The following ANKRD54 variants were observed in gnomAD, a reference collection of about 807,000 sequenced individuals.
ANKRD54 encodes the protein ankyrin repeat domain-containing protein 54.
Under a neutral mutation model 36.2 loss-of-function variants are expected in ANKRD54, and 26 were observed. That is an observed-to-expected ratio of 0.72 (90% CI 0.53 to 1.00). ANKRD54 has a LOEUF of 1.00. ANKRD54 is among the 50% of genes least tolerant of loss of function. The pLI is 0.00. For synonymous variants in ANKRD54, 209 were observed against 188.4 expected, an observed-to-expected ratio of 1.11 and a Z score of -0.89; for missense variants, 384 against 424.3, an observed-to-expected ratio of 0.91 and a Z score of 0.83.
At chr22:37,833,805 C>T (rs368646208) in intron 3 of ANKRD54, 50 bp from the exon 4 acceptor site, 909 of 1,568,286 alleles carry the variant, frequency 5.8e-4, no homozygotes, top group Non-Finnish European at 6.9e-4. Context: ...CCATTGCCTG[C>T]ACCCTGAACC....
intron 1 of ANKRD54, among the ~76,000 whole-genome samples, chr22:37,842,675 C>A (rs1473348924): frequency 6.6e-6 from 1 of 152,220 alleles, no homozygotes; most frequent in African/African-American, 2.4e-5. Context: ...AATTCAGATA[C>A]ATGACAATTC....
At chr22:37,837,442 A>G (rs560741574) in intron 3 of ANKRD54, among the ~76,000 whole-genome samples, 18 of 152,342 alleles carry the variant, frequency 1.2e-4, no homozygotes, top group African/African-American at 4.3e-4. Flanking sequence ...GGGGTATATC[A>G]CAATGAAATA....
Position 37,831,840 on chromosome 22 carries a change from AGACAAGTGCAG to A in ANKRD54, c.*92_*102del. On this transcript the variant is annotated 3_prime_UTR_variant, in exon 8 of 8. Transcript: ENST00000215941. ...TGCGGGTGAGGGCAAGGTCCTCACC[AGACAAGTGCAG>A]CTCCAAGTCCCAGATGTTGGGCTTT... is the stretch of plus-strand genomic sequence containing the variant. The A allele has an allele frequency of 7.9e-7, 1 of 1,261,982 alleles. No individual in the cohort carries two copies. The highest frequency in any genetic ancestry group is 1.1e-6 in the Non-Finnish European group (1 of 899,450). 78.2% of individuals were successfully genotyped at this position (1,261,982 alleles called of 1,614,324 possible). A position where few individuals can be genotyped will look rare whatever the true frequency, so the allele number is the denominator to read the frequency against.
At chr22:37,835,840 G>T (rs530858090) in intron 3 of ANKRD54, among the ~76,000 whole-genome samples, 64 of 149,160 alleles carry the variant, frequency 4.3e-4, no homozygotes, top group East Asian at 1.9e-3. Flanking sequence ...AGTTTTTTTT[G>T]TTTGTTTGTT....
intron 1 of ANKRD54, chr22:37,843,502 C>T (rs1569103453): frequency 6.4e-6 from 1 of 155,674 alleles, no homozygotes; most frequent in Non-Finnish European, 1.4e-5. Context: ...TATCATTTGC[C>T]CTAAGGTCTA....
In ANKRD54 at chr22:37,832,679, A is replaced by G; in HGVS notation, c.786T>C (p.Asp262=). 6.2e-7 allele frequency: 1 copy of G among 1,614,096 alleles called. No individual in the cohort carries two copies. ...LGQHEQRERL[D]DLCTRLQMTS... ...TCATCTGCAGGCGGGTGCAGAGGTC[A>G]TCCAGGCGTTCTCGCTGCTCATGTT... is the stretch of plus-strand genomic sequence containing the variant. The change falls in exon 7 of 8, where the codon GAT becomes GAC. Residue 262 remains aspartate, a synonymous_variant. Coordinates refer to ENST00000215941, the MANE Select transcript of ANKRD54 (RefSeq NM_138797.4).
chr22:37,844,256 G>GGCCTGGCCGCCTGA lies in ANKRD54; in HGVS notation c.-32_-19dup. On this transcript the variant is annotated 5_prime_UTR_variant, in exon 1 of 8. Coordinates refer to ENST00000215941, the MANE Select transcript of ANKRD54 (RefSeq NM_138797.4). Reference sequence around the variant, plus strand: ...GCTGCCATGGCAACGGCTCCGCGCGGGCCTGGCCGCCTGAGCCTCGTTCCC... The same window carrying GGCCTGGCCGCCTGA: ...GCTGCCATGGCAACGGCTCCGCGCGGGCCTGGCCGCCTGAGCCTGGCCGCCTGAGCCTCGTTCCC... 1 of 1,545,376 alleles carries GGCCTGGCCGCCTGA rather than the reference G, an allele frequency of 6.5e-7. No homozygotes were observed. The highest frequency in any genetic ancestry group is 8.7e-7 in the Non-Finnish European group (1 of 1,154,886).
At chr22:37,832,265 T>C (rs895799990) in intron 7 of ANKRD54, among the ~76,000 whole-genome samples, 1 of 151,884 alleles carries the variant, frequency 6.6e-6, no homozygotes, top group African/African-American at 2.4e-5. Flanking sequence ...AACGGAGGCT[T>C]TGAAGCCTGC....
chr22:37,841,848 A>AAAAT (rs56891536), intron 1 of ANKRD54, among the ~76,000 whole-genome samples: 12,599 of 137,496 alleles, frequency 0.092, 783 homozygotes, highest in Middle Eastern at 0.14. Flanking sequence ...ACTCTGTCTC[A>AAAAT]AAATAAATAA....
Position 37,843,991 on chromosome 22 carries a change from C to G in ANKRD54, c.248G>C (p.Arg83Pro). The G allele has an allele frequency of 7.0e-7, 1 of 1,423,366 alleles. No homozygotes were observed. Among genetic ancestry groups the G allele is most frequent in the Non-Finnish European group, 9.1e-7 (1 of 1,093,098 alleles). 88.2% of individuals were successfully genotyped at this position (1,423,366 alleles called of 1,614,324 possible). A position where few individuals can be genotyped will look rare whatever the true frequency, so the allele number is the denominator to read the frequency against. ...CAGCCGGCCAGCGGGTATCTTGCAG[C>G]GCAGCTCGTCGCGCGGCTCCGCATC... Reference protein sequence around the residue: ...QQDAEPRDELRCKIPAGRLRR... With the variant: ...QQDAEPRDELPCKIPAGRLRR... The change falls in exon 1 of 8, where the codon CGC (arginine) becomes CCC (proline). Residue 83 changes from arginine to proline, a missense_variant. Physicochemically the swap from Arg to Pro is moderately radical, Grantham distance 103. Coordinates refer to ENST00000215941, the MANE Select transcript of ANKRD54 (RefSeq NM_138797.4).
chr22:37,845,633 G>A (rs1443398458), upstream of ANKRD54, among the ~76,000 whole-genome samples: 2 of 152,118 alleles, frequency 1.3e-5, no homozygotes, highest in African/African-American at 2.4e-5. Flanking sequence ...CACTTTGGGA[G>A]GCCAAAATGG....
chr22:37,832,107 G>GGC (rs1601715346), intron 7 of ANKRD54, 90 bp from the exon 8 acceptor site: 1 of 1,266,934 alleles, frequency 7.9e-7, no homozygotes, highest in East Asian at 2.5e-5. Context: ...ACAGAACACA[G>GGC]GCACGGTCTC....
Position 37,831,753 on chromosome 22 carries a change from G to A in ANKRD54, c.*190C>T. 3.4e-6 allele frequency: 2 copies of A among 592,956 alleles called. No individual in the cohort carries two copies. Among genetic ancestry groups the A allele is most frequent in the African/African-American group, 1.9e-5 (1 of 53,914 alleles). 36.7% of individuals were successfully genotyped at this position (592,956 alleles called of 1,614,324 possible). A position where few individuals can be genotyped will look rare whatever the true frequency, so the allele number is the denominator to read the frequency against. On this transcript the variant is annotated 3_prime_UTR_variant, in exon 8 of 8. Coordinates refer to ENST00000215941, the MANE Select transcript of ANKRD54 (RefSeq NM_138797.4). ...GTGGTCCCTGTCCACAGAGATGCTG[G>A]AAACTGTGGCTGGGAGTGGCTCTGA...
intron 1 of ANKRD54, among the ~76,000 whole-genome samples, chr22:37,843,279 C>T (rs932673546): frequency 6.6e-6 from 1 of 151,892 alleles, no homozygotes; most frequent in Non-Finnish European, 1.5e-5. Context: ...AATAATTAGC[C>T]GGGCTTGGTA....
Position 37,831,981 on chromosome 22 carries a change from A to G in ANKRD54, c.865T>C (p.Ser289Pro). 3 of 1,613,682 alleles carry G rather than the reference A, an allele frequency of 1.9e-6. No individual in the cohort carries two copies. Among genetic ancestry groups the G allele is most frequent in the Non-Finnish European group, 2.5e-6 (3 of 1,179,876 alleles). ...EVTDLLASFT[S>P]LSLQMQSMEK... ...ATGCTCTGCATCTGCAGACTGAGGG[A>G]GGTGAAGCTGGCCAGGAGGTCAGTC... Residue 289 changes from serine (S) to proline (P), a missense_variant, in exon 8 of 8, where the codon TCC (serine) becomes CCC (proline). Physicochemically the swap from Ser to Pro is moderately conservative, Grantham distance 74 (BLOSUM62 -1). Coordinates refer to ENST00000215941, the MANE Select transcript of ANKRD54 (RefSeq NM_138797.4).
chr22:37,837,965 C>T (rs1466834648), intron 3 of ANKRD54, among the ~76,000 whole-genome samples: 5 of 152,112 alleles, frequency 3.3e-5, no homozygotes, highest in Admixed American at 6.6e-5. Context: ...AACCCCGTCT[C>T]TACTAAAAAC....
chr22:37,840,253 A>T lies in ANKRD54; in HGVS notation c.329-19T>A. 1 of 1,613,530 alleles carries T rather than the reference A, an allele frequency of 6.2e-7. No homozygotes were observed. The highest frequency in any genetic ancestry group is 1.7e-5 in the Admixed American group (1 of 59,992). On this transcript the variant is annotated intron_variant, in intron 1 of 7. Transcript: ENST00000215941. Reference sequence around the variant, plus strand: ...TTCAGAGCTGTAAAGAGAGTAACGGATGCCAGTTTAAAAAAACAGCCATGG... The same window carrying T: ...TTCAGAGCTGTAAAGAGAGTAACGGTTGCCAGTTTAAAAAAACAGCCATGG...
chr22:37,832,576 G>A, intron 7 of ANKRD54, 61 bp downstream of exon 7: 2 of 1,496,988 alleles, frequency 1.3e-6, no homozygotes, highest in East Asian at 2.3e-5. Flanking sequence ...CATCGGAGCA[G>A]GGTGGACTGG....
chr22:37,836,447 CAAAAAA>C (rs760828902), intron 3 of ANKRD54, among the ~76,000 whole-genome samples: 5 of 22,640 alleles, frequency 2.2e-4, no homozygotes, highest in African/African-American at 3.9e-4. Flanking sequence ...AACTCTGTCT[CAAAAAA>C]AAAAAAAAAA....
Sources: allele counts gnomAD v4.1 joint callset (sites outside exome capture counted in the v4.1 genomes callset), GRCh38; gene constraint gnomAD v4.1.1; transcripts MANE v1.5; gene names NCBI Gene and HGNC (gene_info 2026-07-23, HGNC 2026-07-21).